DEPDC5: variants seen among roughly 807,000 people sequenced by gnomAD.
DEPDC5 encodes the protein DEP domain containing 5, GATOR1 subcomplex subunit.
A neutral mutation model predicts 217.3 loss-of-function variants in DEPDC5; 73 were observed. The ratio of observed to expected loss-of-function variants is 0.34; its 90% CI spans 0.28 to 0.41. DEPDC5 has a LOEUF of 0.41. DEPDC5 is among the 10% of genes least tolerant of loss of function. The pLI, the probability that DEPDC5 is intolerant of heterozygous loss-of-function variation, is 1.00. For missense variants in DEPDC5, 1,675 were observed against 2,070.1 expected, an observed-to-expected ratio of 0.81 and a Z score of 3.70; for synonymous variants, 733 against 756.7, an observed-to-expected ratio of 0.97 and a Z score of 0.51.
At chr22:31,842,529 C>T (rs1413898290) in intron 27 of DEPDC5, among the ~76,000 whole-genome samples, 3 of 137,210 alleles carry the variant, frequency 2.2e-5, no homozygotes, top group African/African-American at 8.2e-5. Flanking sequence ...GAGCCGAGAT[C>T]GGGCCATTGC....
chr22:31,822,317 G>A (rs1361862106), intron 23 of DEPDC5, among the ~76,000 whole-genome samples: 1 of 152,150 alleles, frequency 6.6e-6, no homozygotes, highest in Non-Finnish European at 1.5e-5. Flanking sequence ...AAGGGATATG[G>A]GGAGGGCGTG....
chr22:31,821,374 TGG>T, intron 22 of DEPDC5, 126 bp from the exon 23 acceptor site: 9 of 1,292,224 alleles, frequency 7.0e-6, no homozygotes, highest in Middle Eastern at 2.0e-4. Context: ...CCACCCTCTG[TGG>T]TGTGTTCTTC....
At chr22:31,889,789 C>T (rs1262626471) in intron 38 of DEPDC5, among the ~76,000 whole-genome samples, 4 of 152,038 alleles carry the variant, frequency 2.6e-5, no homozygotes, top group Non-Finnish European at 4.4e-5. Flanking sequence ...CCACCCGCCT[C>T]GGCCTCCCAA....
chr22:31,897,710 A>C, intron 40 of DEPDC5, 57 bp downstream of exon 40: 1 of 1,584,296 alleles, frequency 6.3e-7, no homozygotes, highest in East Asian at 2.2e-5. Flanking sequence ...GTCCCTAACA[A>C]GGACACCACT....
At chr22:31,801,087 GC>G (rs2086823610) in intron 14 of DEPDC5, among the ~76,000 whole-genome samples, 1 of 151,846 alleles carries the variant, frequency 6.6e-6, no homozygotes, top group East Asian at 1.9e-4. Flanking sequence ...GAGGTCAGGA[GC>G]TCAAGAGCAG....
intron 10 of DEPDC5, among the ~76,000 whole-genome samples, chr22:31,786,118 G>A (rs931970729): frequency 5.3e-5 from 8 of 151,800 alleles, no homozygotes; most frequent in Admixed American, 2.0e-4. Context: ...TTAGCCAGGC[G>A]TGGTGGTTGG....
At chr22:31,774,226 G>A (rs1466593627) in intron 7 of DEPDC5, among the ~76,000 whole-genome samples, 1 of 144,574 alleles carries the variant, frequency 6.9e-6, no homozygotes, top group Non-Finnish European at 1.5e-5. Flanking sequence ...TTTTTGAGAC[G>A]AGTCTCACTC....
chr22:31,761,494 T>A (rs78354843), intron 4 of DEPDC5, among the ~76,000 whole-genome samples: 2 of 151,904 alleles, frequency 1.3e-5, no homozygotes, highest in Non-Finnish European at 2.9e-5. Context: ...GTTCTCTTCT[T>A]ATCAAACTAT....
At chr22:31,886,745 G>A (rs562518777) in intron 38 of DEPDC5, among the ~76,000 whole-genome samples, 24 of 108,574 alleles carry the variant, frequency 2.2e-4, no homozygotes, top group African/African-American at 8.1e-4. Flanking sequence ...GAAAAAATAC[G>A]TCTCCATCTC....
intron 4 of DEPDC5, 113 bp from the exon 5 acceptor site, chr22:31,764,862 C>T (rs1487198323): frequency 2.8e-6 from 2 of 722,190 alleles, no homozygotes; most frequent in Non-Finnish European, 4.9e-6. Context: ...TGTGTGTTGC[C>T]CGTGTCAGAT....
chr22:31,810,815 G>T, intron 20 of DEPDC5, 174 bp downstream of exon 20: 1 of 1,085,632 alleles, frequency 9.2e-7, no homozygotes, highest in Non-Finnish European at 1.3e-6. Flanking sequence ...CGCTCTTGTT[G>T]CCCAGGCTTG....
intron 12 of DEPDC5, among the ~76,000 whole-genome samples, chr22:31,795,794 G>C (rs976341828): frequency 6.7e-6 from 1 of 148,604 alleles, no homozygotes; most frequent in Non-Finnish European, 1.5e-5. Flanking sequence ...GCAATGACAC[G>C]ATCTCAGCTC....
At chr22:31,902,406 T>TA (rs1435189476) in intron 41 of DEPDC5, among the ~76,000 whole-genome samples, 2,175 of 73,124 alleles carry the variant, frequency 0.03, 86 homozygotes, top group African/African-American at 0.13. Flanking sequence ...GTCATCTCCT[T>TA]ATTATATATA....
At chr22:31,848,715 C>T (rs1358256926) in intron 31 of DEPDC5, among the ~76,000 whole-genome samples, 1 of 152,210 alleles carries the variant, frequency 6.6e-6, no homozygotes, top group African/African-American at 2.4e-5. Context: ...TAACATTAAG[C>T]TCCTCCTTAC....
At chr22:31,786,758 A>G (rs2085033898) in intron 10 of DEPDC5, among the ~76,000 whole-genome samples, 1 of 152,066 alleles carries the variant, frequency 6.6e-6, no homozygotes, top group African/African-American at 2.4e-5. Flanking sequence ...GCATTTGCCA[A>G]CACAGCCAGC....
At chr22:31,800,975 CA>C (rs968488640) in intron 14 of DEPDC5, among the ~76,000 whole-genome samples, 1 of 145,940 alleles carries the variant, frequency 6.9e-6, no homozygotes, top group Non-Finnish European at 1.5e-5. Flanking sequence ...GACACTATCT[CA>C]AAAAAAAATT....
rs112515219 is a variant in DEPDC5 at position 31,799,459 on chromosome 22, A to T, written c.946+803A>T. ...CTGCACCTATCAACCCATCATCTGC[A>T]TTAGGTATTTCTCTTAATGCTATTT... is the stretch of plus-strand genomic sequence containing the variant. On this transcript the variant is annotated intron_variant, in intron 14 of 42. Coordinates refer to ENST00000651528, the MANE Select transcript of DEPDC5 (RefSeq NM_001242896.3). Among the ~76,000 whole-genome samples, 1,364 of 149,854 alleles carry T rather than the reference A, an allele frequency of 9.1e-3. 19 individuals carry two copies. Among genetic ancestry groups the T allele is most frequent in the African/African-American group, 0.031 (1,249 of 40,744 alleles).
In DEPDC5 at chr22:31,758,723, C is replaced by A; in HGVS notation, c.146+90C>A. The A allele has an allele frequency of 3.1e-6, 4 of 1,273,564 alleles. No homozygotes were observed. The South Asian group carries it at 3.6e-5, about 12-fold the overall frequency. 78.9% of individuals were successfully genotyped at this position (1,273,564 alleles called of 1,614,324 possible). A position where few individuals can be genotyped will look rare whatever the true frequency, so the allele number is the denominator to read the frequency against. On this transcript the variant is annotated intron_variant, in intron 3 of 42. Coordinates refer to ENST00000651528, the MANE Select transcript of DEPDC5 (RefSeq NM_001242896.3). ...ATAGCTCTCTTTGCCTTTCAAAATG[C>A]TCATGCTGTGATGGCTCAATCCTGT...
In DEPDC5 at chr22:31,850,792, C is replaced by T. The variant is rs143797507; in HGVS notation, c.3155+3825C>T. ...TATAAAACCCAGTTTTGCTTGAGGC[C>T]GGGCGCAGTGGCTCATGCCTGTAAT... On this transcript the variant is annotated intron_variant, in intron 31 of 42. Coordinates refer to ENST00000651528, the MANE Select transcript of DEPDC5 (RefSeq NM_001242896.3). Among the ~76,000 whole-genome samples, 303 of 152,182 alleles carry T rather than the reference C, an allele frequency of 2.0e-3. 1 individual carries two copies. Among genetic ancestry groups the T allele is most frequent in the African/African-American group, 7.0e-3 (291 of 41,544 alleles).
Sources: gnomAD v4.1 joint callset for allele counts (sites outside exome capture counted in the v4.1 genomes callset) on GRCh38, gnomAD v4.1.1 for gene constraint, MANE v1.5 for transcripts, NCBI Gene and HGNC (gene_info 2026-07-23, HGNC 2026-07-21) for gene names.